Variants in PSKH1 observed in about 807,000 individuals in gnomAD.
PSKH1 encodes the protein serine/threonine-protein kinase H1.
In PSKH1, 12 loss-of-function variants were observed where a neutral mutation model predicts 26.7. That is an observed-to-expected ratio of 0.45 (90% CI 0.29 to 0.73). The LOEUF is 0.73. PSKH1 is among the 30% of genes least tolerant of loss of function. The pLI, the probability that PSKH1 is intolerant of heterozygous loss-of-function variation, is 0.11. For synonymous variants in PSKH1, 213 were observed against 234.3 expected (o/e 0.91, Z 0.83); for missense variants, 431 against 595.2 (o/e 0.72, Z 2.87).
intron 2 of PSKH1, among the ~76,000 whole-genome samples, chr16:67,917,605 A>G (rs1258413367): frequency 2.0e-5 from 3 of 152,220 alleles, no homozygotes; most frequent in Non-Finnish European, 4.4e-5. Context: ...TGCCCTGGGA[A>G]GCGTCCCAAA....
chr16:67,895,740 A>T (rs2058124722), intron 1 of PSKH1, among the ~76,000 whole-genome samples: 1 of 152,122 alleles, frequency 6.6e-6, no homozygotes, highest in African/African-American at 2.4e-5. Flanking sequence ...TTCCCAGGTA[A>T]CTTTACTGTG....
At chr16:67,894,809 C>G (rs2058121410) in intron 1 of PSKH1, among the ~76,000 whole-genome samples, 1 of 152,018 alleles carries the variant, frequency 6.6e-6, no homozygotes, top group Non-Finnish European at 1.5e-5. Context: ...ATGAGCACAG[C>G]AAATGCCAGC....
intron 2 of PSKH1, among the ~76,000 whole-genome samples, chr16:67,917,350 C>T (rs201133312): frequency 1.3e-5 from 2 of 152,352 alleles, no homozygotes; most frequent in East Asian, 3.9e-4. Flanking sequence ...TGTGCCTCAG[C>T]ACGTTGCTGG....
intron 2 of PSKH1, among the ~76,000 whole-genome samples, chr16:67,915,383 A>G (rs1364297135): frequency 6.6e-6 from 1 of 152,038 alleles, no homozygotes; most frequent in Non-Finnish European, 1.5e-5. Context: ...CCCAAAAATC[A>G]GATTCTATCA....
At chr16:67,893,573 C>T (rs906060131) in intron 1 of PSKH1, among the ~76,000 whole-genome samples, 1 of 152,250 alleles carries the variant, frequency 6.6e-6, no homozygotes, top group Non-Finnish European at 1.5e-5. Context: ...TCTGGACTGG[C>T]CTCGGAACGT....
At chr16:67,918,750 C>G (rs2058194365) in intron 2 of PSKH1, among the ~76,000 whole-genome samples, 1 of 152,026 alleles carries the variant, frequency 6.6e-6, no homozygotes, top group East Asian at 1.9e-4. Flanking sequence ...AGCCACCACA[C>G]CTGGCTAATT....
At chr16:67,894,430 G>A (rs182993900) in intron 1 of PSKH1, among the ~76,000 whole-genome samples, 1 of 152,322 alleles carries the variant, frequency 6.6e-6, no homozygotes, top group East Asian at 1.9e-4. Context: ...ACAAGCGTGA[G>A]CCACTGTGCT....
intron 1 of PSKH1, among the ~76,000 whole-genome samples, chr16:67,893,614 C>G (rs2058118115): frequency 6.6e-6 from 1 of 152,238 alleles, no homozygotes; most frequent in Non-Finnish European, 1.5e-5. Flanking sequence ...GTCTCCAGGC[C>G]CGCTTGGGCC....
intron 2 of PSKH1, among the ~76,000 whole-genome samples, chr16:67,918,576 T>A (rs1214764378): frequency 6.6e-6 from 1 of 151,622 alleles, no homozygotes; most frequent in Non-Finnish European, 1.5e-5. Flanking sequence ...GGCAATGAGC[T>A]TGACCACCTG....
At chr16:67,919,319 C>G (rs1343614880) in intron 2 of PSKH1, among the ~76,000 whole-genome samples, 2 of 152,222 alleles carry the variant, frequency 1.3e-5, no homozygotes, top group Non-Finnish European at 2.9e-5. Context: ...CCCCTGCTCC[C>G]AGAGTCAGAG....
intron 1 of PSKH1, among the ~76,000 whole-genome samples, chr16:67,894,475 C>T (rs543858408): frequency 6.6e-6 from 1 of 152,296 alleles, no homozygotes; most frequent in South Asian, 2.1e-4. Context: ...GCAGTTTTCT[C>T]AGTTTGCTAT....
Position 67,927,238 on chromosome 16 carries a change from A to AG in PSKH1, c.958-83dup. ...GGAGGGGCAGCACCTCTCTCTGGAA[A>AG]GGGGAGGGTTGCTGAGTAGTGGCCT... On this transcript the variant is annotated intron_variant, in intron 2 of 2. Coordinates refer to ENST00000291041, the MANE Select transcript of PSKH1 (RefSeq NM_006742.3). The surrounding 1 kb of genome is among the most constrained non-coding windows in gnomAD (Gnocchi z 5.5). The AG allele has an allele frequency of 6.0e-6, 8 of 1,334,110 alleles. No homozygotes were observed. The highest frequency in any genetic ancestry group is 8.2e-6 in the Non-Finnish European group (8 of 970,126). 82.6% of individuals were successfully genotyped at this position (1,334,110 alleles called of 1,614,324 possible). A position where few individuals can be genotyped will look rare whatever the true frequency, so the allele number is the denominator to read the frequency against.
intron 2 of PSKH1, chr16:67,910,051 T>C: frequency 2.1e-6 from 1 of 480,244 alleles, no homozygotes; most frequent in East Asian, 3.0e-5. Context: ...CCATGTGGAA[T>C]GTGCCTCATA....
At chr16:67,919,789 C>T (rs1195603464) in intron 2 of PSKH1, among the ~76,000 whole-genome samples, 4 of 152,222 alleles carry the variant, frequency 2.6e-5, no homozygotes, top group African/African-American at 9.7e-5. Context: ...CCAGAGGAAG[C>T]TCTGAGTGGA....
chr16:67,899,331 ATTTTTTT>A (rs555492519), intron 1 of PSKH1, among the ~76,000 whole-genome samples: 4 of 128,270 alleles, frequency 3.1e-5, no homozygotes, highest in South Asian at 4.9e-4. Flanking sequence ...GCCAGACCAC[ATTTTTTT>A]TTTTTTTTTT....
intron 1 of PSKH1, among the ~76,000 whole-genome samples, chr16:67,893,906 C>T (rs191333786): frequency 1.3e-4 from 20 of 152,286 alleles, no homozygotes; most frequent in African/African-American, 4.8e-4. Flanking sequence ...CACTTAGTCC[C>T]CCTCCATAAA....
At chr16:67,921,926 A>G (rs951909894) in intron 2 of PSKH1, among the ~76,000 whole-genome samples, 4 of 150,352 alleles carry the variant, frequency 2.7e-5, no homozygotes, top group African/African-American at 9.7e-5. Flanking sequence ...CAGCTTTACT[A>G]ACCTTTAAGT....
At chr16:67,898,838 G>A (rs964227148) in intron 1 of PSKH1, among the ~76,000 whole-genome samples, 1 of 151,918 alleles carries the variant, frequency 6.6e-6, no homozygotes, top group African/African-American at 2.4e-5. Context: ...GGCCAGGCTG[G>A]TCTTGAACTC....
At position 67,927,893 on chromosome 16, in the gene PSKH1, A is replaced by G; in HGVS notation, c.*251A>G. 2 of 524,636 alleles carry G rather than the reference A, an allele frequency of 3.8e-6. No homozygotes were observed. Among genetic ancestry groups the G allele is most frequent in the East Asian group, 3.1e-5 (1 of 32,004 alleles). The allele number at this position is 524,636 out of a possible 1,614,324, so 32.5% of individuals were successfully genotyped here. ...ACTGGGAGCCTGGCCTGGCACTGATACCCCTCTTGGTGGGCAGCTGCTCTG... is the reference window on the plus strand; with the variant it reads ...ACTGGGAGCCTGGCCTGGCACTGATGCCCCTCTTGGTGGGCAGCTGCTCTG... On this transcript the variant is annotated 3_prime_UTR_variant, in exon 3 of 3. Coordinates refer to ENST00000291041, the MANE Select transcript of PSKH1 (RefSeq NM_006742.3). This position sits in a 1 kb window ranked among gnomAD's most constrained non-coding sequence, Gnocchi z 5.5.
Sources: allele counts gnomAD v4.1 joint callset (sites outside exome capture counted in the v4.1 genomes callset), GRCh38; gene constraint gnomAD v4.1.1; non-coding constraint Gnocchi (gnomAD v3.1); transcripts MANE v1.5; gene names NCBI Gene and HGNC (gene_info 2026-07-23, HGNC 2026-07-21).